The following HPD variants were observed in gnomAD, a reference collection of about 807,000 sequenced individuals.
The protein encoded by HPD is 4-hydroxyphenylpyruvic acid oxidase.
Under a neutral mutation model 56.9 loss-of-function variants are expected in HPD, and 35 were observed. The ratio of observed to expected loss-of-function variants is 0.62; its 90% CI spans 0.47 to 0.82. HPD has a LOEUF of 0.82. Ranked by LOEUF, HPD falls within the 40% of genes least tolerant of loss-of-function variation. The pLI is 0.00. For synonymous variants in HPD, 186 were observed against 200.2 expected (o/e 0.93, Z 0.60); for missense variants, 442 against 506.8 (o/e 0.87, Z 1.23).
At chr12:121,847,756 C>T (rs1487858273) in intron 9 of HPD, among the ~76,000 whole-genome samples, 3 of 151,996 alleles carry the variant, frequency 2.0e-5, no homozygotes, top group Non-Finnish European at 4.4e-5. Flanking sequence ...AGGCTGGTCT[C>T]GAACTCCTAA....
chr12:121,858,695 C>T lies in HPD; in HGVS notation c.22G>A (p.Gly8Arg), dbSNP rs745845010. Residue 8 changes from glycine (G) to arginine (R), a missense_variant, in exon 2 of 14, where the codon GGG (glycine) becomes AGG (arginine). By Grantham distance (125) the Gly-to-Arg change is moderately radical. Transcript: ENST00000289004. ...ACATTTCGCCTGCTTACCTTTGCCC[C>T]TTTGTCACTGTAAGTCGTCTAAGGA... The part of the protein sequence containing the change: MTTYSDK[G>R]AKPERGRFLH... 31 of 1,614,040 alleles carry T rather than the reference C, an allele frequency of 1.9e-5. No homozygotes were observed. The East Asian group carries it at 6.5e-4, about 34-fold the overall frequency.
Position 121,852,809 on chromosome 12 carries a change from AT to A in HPD, c.414+1893del, listed in dbSNP as rs200506911. Among the ~76,000 whole-genome samples, 643 of 148,498 alleles carry A rather than the reference AT, an allele frequency of 4.3e-3. 5 individuals are homozygous for A. The highest frequency in any genetic ancestry group is 0.015 in the African/African-American group (609 of 40,458). On this transcript the variant is annotated intron_variant, in intron 7 of 13. Transcript: ENST00000289004. ...ACCACCATGCCTGGCTAACTTTTGT[AT>A]TTTTTTTTAGTAGAGGTGGGGTTTC... is the stretch of plus-strand genomic sequence containing the variant.
chr12:121,853,272 A>T (rs1877870386), intron 7 of HPD, among the ~76,000 whole-genome samples: 1 of 152,090 alleles, frequency 6.6e-6, no homozygotes, highest in Non-Finnish European at 1.5e-5. Context: ...GCAAACCACC[A>T]TGCATGCGTT....
chr12:121,840,030 C>T lies in HPD; in HGVS notation c.973G>A (p.Asp325Asn). ...AGGAGGTAGCCTTTCTCGTCGTAGT[C>T]CACCAGGATTTTCAGCTCCTAGGCG... ...DALEELKILV[D>N]YDEKGYLLQI... The change falls in exon 13 of 14, where the codon GAC (aspartate) becomes AAC (asparagine). Residue 325 changes from aspartate to asparagine, a missense_variant. Transcript: ENST00000289004. The T allele has an allele frequency of 6.2e-7, 1 of 1,613,304 alleles. No individual in the cohort carries two copies.
upstream of HPD, among the ~76,000 whole-genome samples, chr12:121,863,154 T>C (rs1308337330): frequency 6.6e-6 from 1 of 152,154 alleles, no homozygotes; most frequent in Non-Finnish European, 1.5e-5. Flanking sequence ...AGCTAATTTT[T>C]GTATTTTTTA....
intron 12 of HPD, among the ~76,000 whole-genome samples, chr12:121,841,022 CAT>C (rs2137607338): frequency 6.8e-6 from 1 of 147,910 alleles, no homozygotes; most frequent in Admixed American, 6.7e-5. Flanking sequence ...GGTGAAACCC[CAT>C]CTCTACTAAA....
chr12:121,839,610 G>T lies in HPD; in HGVS notation c.*118C>A. The T allele has an allele frequency of 1.3e-6, 1 of 772,494 alleles. No homozygotes were observed. Among genetic ancestry groups the T allele is most frequent in the Non-Finnish European group, 2.2e-6 (1 of 445,886 alleles). The allele number at this position is 772,494 out of a possible 1,614,324, so 47.9% of individuals were successfully genotyped here. A position where few individuals can be genotyped will look rare whatever the true frequency, so the allele number is the denominator to read the frequency against. On this transcript the variant is annotated 3_prime_UTR_variant, in exon 14 of 14. Coordinates refer to ENST00000289004, the MANE Select transcript of HPD (RefSeq NM_002150.3). ...GCGTGGTCAGTGTGGGCGGAGCCTT[G>T]GGGGCCGAGTCCGCTGGTGGGCGGG...
At chr12:121,856,907 C>G in intron 4 of HPD, 1 of 539,638 alleles carries the variant, frequency 1.9e-6, no homozygotes, top group South Asian at 2.0e-5. Flanking sequence ...TAAAATTCCT[C>G]TCCTCTGATA....
chr12:121,852,061 C>A (rs1017236913), intron 7 of HPD, among the ~76,000 whole-genome samples: 3 of 152,032 alleles, frequency 2.0e-5, no homozygotes, highest in Admixed American at 1.3e-4. Context: ...ACTCTGTCAA[C>A]CAGGCTGAAG....
intron 6 of HPD, among the ~76,000 whole-genome samples, chr12:121,855,407 G>C (rs926973619): frequency 1.3e-5 from 2 of 152,146 alleles, no homozygotes; most frequent in Non-Finnish European, 2.9e-5. Context: ...GTTTGGTTTA[G>C]AGTTGTGCTC....
upstream of HPD, among the ~76,000 whole-genome samples, chr12:121,866,284 C>G (rs2707061): frequency 0.63 from 90,230 of 144,096 alleles, 28,454 homozygotes; most frequent in African/African-American, 0.73. Flanking sequence ...CTGGGGGACA[C>G]AGCGAGACTC....
the HPD span, among the ~76,000 whole-genome samples, chr12:121,885,635 T>C: frequency 6.6e-6 from 1 of 152,016 alleles, no homozygotes; most frequent in Non-Finnish European, 1.5e-5. Flanking sequence ...TTTTCAGATA[T>C]CAAGGGTGGG....
intron 7 of HPD, among the ~76,000 whole-genome samples, chr12:121,853,644 A>C (rs1877888746): frequency 6.9e-6 from 1 of 144,882 alleles, no homozygotes; most frequent in African/African-American, 2.6e-5. Flanking sequence ...AAAAAGAAAA[A>C]AGAAAGTTGA....
At chr12:121,853,954 A>T (rs11043214) in intron 7 of HPD, among the ~76,000 whole-genome samples, 75,029 of 149,394 alleles carry the variant, frequency 0.5, 18,847 homozygotes, top group East Asian at 0.76. Context: ...AAAAGAATAA[A>T]AAAAAAAGAA....
chr12:121,845,679 T>C (rs1877561394), intron 11 of HPD, among the ~76,000 whole-genome samples: 2 of 151,086 alleles, frequency 1.3e-5, no homozygotes, highest in African/African-American at 2.4e-5. Flanking sequence ...CAAGCAGTCC[T>C]CCTGCCTCGG....
intron 9 of HPD, among the ~76,000 whole-genome samples, chr12:121,847,783 C>T (rs924815176): frequency 6.6e-6 from 1 of 152,150 alleles, no homozygotes; most frequent in Non-Finnish European, 1.5e-5. Flanking sequence ...GTGATCCACC[C>T]GCCTCGGCCT....
upstream of HPD, among the ~76,000 whole-genome samples, chr12:121,867,585 C>T (rs1340381765): frequency 1.3e-5 from 2 of 151,912 alleles, no homozygotes; most frequent in African/African-American, 2.4e-5. Context: ...GTGATCTTGG[C>T]TCACTGCAAC....
the HPD span, among the ~76,000 whole-genome samples, chr12:121,876,154 T>A: frequency 6.6e-6 from 1 of 151,918 alleles, no homozygotes; most frequent in Non-Finnish European, 1.5e-5. Flanking sequence ...CTACTAAATA[T>A]ACAAAAATTA....
At chr12:121,881,703 G>A in the HPD span, among the ~76,000 whole-genome samples, 1 of 151,522 alleles carries the variant, frequency 6.6e-6, no homozygotes, top group African/African-American at 2.4e-5. Context: ...CTGGAGTGCA[G>A]TGGTGCGATC....
Sources: gnomAD v4.1 joint callset for allele counts (sites outside exome capture counted in the v4.1 genomes callset) on GRCh38, gnomAD v4.1.1 for gene constraint, MANE v1.5 for transcripts, NCBI Gene and HGNC (gene_info 2026-07-23, HGNC 2026-07-21) for gene names.